The following FAM110B variants were observed in gnomAD, a reference collection of about 807,000 sequenced individuals.
The protein encoded by FAM110B is family with sequence similarity 110 member B, also known as protein FAM110B.
FAM110B carries 6 observed loss-of-function variants against 20.4 expected under a neutral mutation model. That is an observed-to-expected ratio of 0.29 (90% confidence interval 0.16 to 0.58). The LOEUF (loss-of-function observed/expected upper bound fraction) is 0.58, where lower values mean the gene tolerates loss of function less well. Ranked by LOEUF, FAM110B falls within the 20% of genes least tolerant of loss-of-function variation. The pLI is 0.90. For missense variants in FAM110B, 434 were observed against 498.2 expected (o/e 0.87, Z 1.23); for synonymous variants, 226 against 214.1 (o/e 1.06, Z -0.49).
chr8:58,034,640 ATTG>A (rs1169025268), intron 2 of FAM110B, among the ~76,000 whole-genome samples: 1 of 152,106 alleles, frequency 6.6e-6, no homozygotes, highest in Non-Finnish European at 1.5e-5. Context: ...AGATCATAGG[ATTG>A]TTGTTAGGAA....
chr8:58,088,502 A>T (rs1267994364), intron 3 of FAM110B, among the ~76,000 whole-genome samples: 2 of 152,218 alleles, frequency 1.3e-5, no homozygotes, highest in Admixed American at 1.3e-4. Flanking sequence ...ATTTGAGTAG[A>T]AGGATTGTAT....
At chr8:58,062,500 A>C (rs7000317) in intron 2 of FAM110B, among the ~76,000 whole-genome samples, 8 of 152,198 alleles carry the variant, frequency 5.3e-5, no homozygotes, top group Admixed American at 5.2e-4. Context: ...TAAAATATAC[A>C]TATATAAATG....
At chr8:58,110,431 G>A (rs1479756856) in intron 3 of FAM110B, among the ~76,000 whole-genome samples, 1 of 152,012 alleles carries the variant, frequency 6.6e-6, no homozygotes, top group Non-Finnish European at 1.5e-5. Flanking sequence ...TTTCTTCTTT[G>A]GAGAATCAAT....
At position 58,049,889 on chromosome 8, in the gene FAM110B, G is replaced by A. The variant is rs146993299; in HGVS notation, c.-414+18186G>A. 1.6e-3 allele frequency among the ~76,000 whole-genome samples: 249 copies of A among 152,032 alleles called. 3 individuals are homozygous for A. Among genetic ancestry groups the A allele is most frequent in the African/African-American group, 5.7e-3 (238 of 41,458 alleles). ...GGCATATTTTTATTAGCATTCCTTGGAATTATTCAGTAAGCATTTACAAAG... is the reference window on the plus strand; with the variant it reads ...GGCATATTTTTATTAGCATTCCTTGAAATTATTCAGTAAGCATTTACAAAG... On this transcript the variant is annotated intron_variant, in intron 2 of 3. Transcript: ENST00000519262.
intron 3 of FAM110B, among the ~76,000 whole-genome samples, chr8:58,097,782 T>C (rs1806670732): frequency 6.6e-6 from 1 of 152,222 alleles, no homozygotes; most frequent in African/African-American, 2.4e-5. Context: ...GTTTGTTAGT[T>C]TTCCCTTTTC....
chr8:58,013,310 C>A (rs1421295159), intron 1 of FAM110B, among the ~76,000 whole-genome samples: 2 of 152,208 alleles, frequency 1.3e-5, no homozygotes, highest in Non-Finnish European at 2.9e-5. Context: ...ATGAAAGGGG[C>A]AGCTTTGGGC....
At chr8:58,009,738 C>T (rs562030796) in intron 1 of FAM110B, among the ~76,000 whole-genome samples, 144 of 152,308 alleles carry the variant, frequency 9.5e-4, no homozygotes, top group African/African-American at 3.2e-3. Context: ...GCTCCATCTC[C>T]TTGGCAGCAT....
intron 2 of FAM110B, among the ~76,000 whole-genome samples, chr8:58,046,511 G>A (rs1585839197): frequency 6.6e-6 from 1 of 152,182 alleles, no homozygotes; most frequent in East Asian, 1.9e-4. Context: ...ACAGTACTGT[G>A]TATACCAGGA....
chr8:58,038,477 A>G (rs1805132465), intron 2 of FAM110B, among the ~76,000 whole-genome samples: 1 of 152,202 alleles, frequency 6.6e-6, no homozygotes, highest in African/African-American at 2.4e-5. Context: ...TAATTAAAAT[A>G]TCTATGAAAA....
intron 2 of FAM110B, among the ~76,000 whole-genome samples, chr8:58,069,131 T>G (rs7821907): frequency 0.032 from 4,803 of 152,268 alleles, 267 homozygotes; most frequent in African/African-American, 0.11. Context: ...ACCATTAGCT[T>G]CTCAGCCTTC....
Position 58,014,469 on chromosome 8 carries a change from A to G in FAM110B, c.-511-17137A>G, listed in dbSNP as rs1469452064. Reference sequence around the variant, plus strand: ...GTCTGGGTGAAGTCCTCATCTGAAAAGTGTGTAGTGCTAGGTCTGTGTCCC... The same window carrying G: ...GTCTGGGTGAAGTCCTCATCTGAAAGGTGTGTAGTGCTAGGTCTGTGTCCC... On this transcript the variant is annotated intron_variant, in intron 1 of 3. Transcript: ENST00000519262. Among the ~76,000 whole-genome samples, 4 of 152,270 alleles carry G rather than the reference A, an allele frequency of 2.6e-5. No homozygotes were observed. The East Asian group carries it at 7.7e-4, about 29-fold the overall frequency.
chr8:58,118,026 G>A (rs1357721533), intron 3 of FAM110B, among the ~76,000 whole-genome samples: 1 of 152,144 alleles, frequency 6.6e-6, no homozygotes, highest in East Asian at 1.9e-4. Flanking sequence ...AGATTCTAGA[G>A]TAACATCTTT....
At chr8:58,094,101 A>G (rs1328543964) in intron 3 of FAM110B, among the ~76,000 whole-genome samples, 1 of 152,164 alleles carries the variant, frequency 6.6e-6, no homozygotes, top group Non-Finnish European at 1.5e-5. Context: ...TTGATTTTGT[A>G]TTCTGAGACT....
intron 1 of FAM110B, among the ~76,000 whole-genome samples, chr8:58,017,325 A>G (rs780466287): frequency 6.6e-6 from 1 of 152,256 alleles, no homozygotes; most frequent in East Asian, 1.9e-4. Context: ...TGATGTGGCC[A>G]GTGAGTAGCA....
intron 2 of FAM110B, among the ~76,000 whole-genome samples, chr8:58,050,162 T>C (rs55808340): frequency 0.02 from 3,021 of 152,276 alleles, 114 homozygotes; most frequent in African/African-American, 0.066. Flanking sequence ...CCAGATGTCA[T>C]GGTCTTGTGA....
At chr8:58,016,714 T>C (rs960392648) in intron 1 of FAM110B, among the ~76,000 whole-genome samples, 2 of 152,180 alleles carry the variant, frequency 1.3e-5, no homozygotes, top group African/African-American at 4.8e-5. Flanking sequence ...TCATGTTCTG[T>C]GCCCTCCAGG....
Position 58,146,731 on chromosome 8 carries a change from C to T in FAM110B, c.501C>T (p.Pro167=), listed in dbSNP as rs199778704. 5 of 1,612,172 alleles carry T rather than the reference C, an allele frequency of 3.1e-6. No individual in the cohort carries two copies. The African/African-American group carries it at 4.0e-5, about 13-fold the overall frequency. ...HSFAESLKVY[P]TQGRRSPQEG... is the part of the protein sequence containing the mutation. ...TCGCGGAGTCCCTGAAGGTCTACCC[C>T]ACGCAGGGCCGCAGGAGCCCGCAGG... Residue 167 remains proline, a synonymous_variant, in exon 4 of 4, where the codon CCC becomes CCT. Coordinates refer to ENST00000519262, the MANE Select transcript of FAM110B (RefSeq NM_001377989.1).
At chr8:58,034,011 C>T (rs1805025475) in intron 2 of FAM110B, among the ~76,000 whole-genome samples, 1 of 152,148 alleles carries the variant, frequency 6.6e-6, no homozygotes, top group Non-Finnish European at 1.5e-5. Flanking sequence ...ACCAGTATAT[C>T]CCAAAACAAT....
chr8:58,067,973 C>G (rs1241046359), intron 2 of FAM110B, among the ~76,000 whole-genome samples: 3 of 152,212 alleles, frequency 2.0e-5, no homozygotes, highest in African/African-American at 4.8e-5. Flanking sequence ...CAAGAAAGGA[C>G]AGTAGCTTTC....
Sources: gnomAD v4.1 joint callset for allele counts (sites outside exome capture counted in the v4.1 genomes callset) on GRCh38, gnomAD v4.1.1 for gene constraint, MANE v1.5 for transcripts, NCBI Gene and HGNC (gene_info 2026-07-23, HGNC 2026-07-21) for gene names.